The following TMC1 variants were observed in gnomAD, a reference collection of about 807,000 sequenced individuals.
TMC1 encodes the protein transmembrane channel-like protein 1.
TMC1 carries 84 observed loss-of-function variants against 105.8 expected under a neutral mutation model. The observed-to-expected ratio is 0.79, with a 90% CI of 0.67 to 0.95. TMC1 has a LOEUF of 0.95. TMC1 is among the 40% of genes least tolerant of loss of function. TMC1 has a pLI of 0.00. For synonymous variants in TMC1, 315 were observed against 311.5 expected, an observed-to-expected ratio of 1.01 and a Z score of -0.12; for missense variants, 817 against 914.1, an observed-to-expected ratio of 0.89 and a Z score of 1.37.
At chr9:72,672,217 G>C (rs1345040793) in intron 5 of TMC1, among the ~76,000 whole-genome samples, 1 of 151,980 alleles carries the variant, frequency 6.6e-6, no homozygotes, top group African/African-American at 2.4e-5. Context: ...GTTATGATGA[G>C]CCACTGATAA....
chr9:72,689,619 CTGA>C, intron 6 of TMC1, among the ~76,000 whole-genome samples: 1 of 152,122 alleles, frequency 6.6e-6, no homozygotes, highest in African/African-American at 2.4e-5. Context: ...TTTAGGTGCT[CTGA>C]TGTTGGATGC....
At chr9:72,582,070 G>T (rs1824484785) in intron 2 of TMC1, among the ~76,000 whole-genome samples, 1 of 152,112 alleles carries the variant, frequency 6.6e-6, no homozygotes, top group African/African-American at 2.4e-5. Flanking sequence ...CGATTCTTCT[G>T]CTTCAGCCTC....
At chr9:72,527,165 A>C (rs1437502196) in intron 1 of TMC1, among the ~76,000 whole-genome samples, 1 of 152,188 alleles carries the variant, frequency 6.6e-6, no homozygotes, top group Non-Finnish European at 1.5e-5. Context: ...CAAAGCTCCC[A>C]GTTGCTCAGG....
chr9:72,753,057 T>G (rs1827607967), intron 11 of TMC1, among the ~76,000 whole-genome samples: 1 of 152,142 alleles, frequency 6.6e-6, no homozygotes, highest in Non-Finnish European at 1.5e-5. Flanking sequence ...ATTTTTTTAT[T>G]AAGCTGATCT....
At chr9:72,689,838 C>T (rs1199383882) in intron 6 of TMC1, among the ~76,000 whole-genome samples, 1 of 152,086 alleles carries the variant, frequency 6.6e-6, no homozygotes, top group East Asian at 1.9e-4. Flanking sequence ...GTCCTTAAAT[C>T]TAAAGTGAAT....
rs1400788008 is a variant in TMC1, at chr9:72,789,322, GTC to G, written c.1224+9_1224+10del. 10 of 1,613,044 alleles carry G rather than the reference GTC, an allele frequency of 6.2e-6. No individual in the cohort carries two copies. The highest frequency in any genetic ancestry group is 8.5e-6 in the Non-Finnish European group (10 of 1,179,186). The stretch of plus-strand genomic sequence containing the variant: ...GGGTGGTGGGAAAAAAATGAAGTTC[GTC>G]TCTGCATGCTTTTTATGTGCTTAGA... On this transcript the variant is annotated splice_donor_region_variant and intron_variant, in intron 15 of 23. Coordinates refer to ENST00000297784, the MANE Select transcript of TMC1 (RefSeq NM_138691.3).
At chr9:72,592,689 A>G (rs1025002467) in intron 2 of TMC1, among the ~76,000 whole-genome samples, 1 of 152,186 alleles carries the variant, frequency 6.6e-6, no homozygotes, top group Non-Finnish European at 1.5e-5. Flanking sequence ...GCTAGATTCT[A>G]AGTTGCCTGC....
intron 1 of TMC1, among the ~76,000 whole-genome samples, chr9:72,532,480 G>T (rs895389661): frequency 2.2e-5 from 3 of 136,824 alleles, no homozygotes; most frequent in Non-Finnish European, 4.6e-5. Context: ...GGCAGAGGTT[G>T]CAGTGAGCCG....
intron 1 of TMC1, among the ~76,000 whole-genome samples, chr9:72,553,648 G>T (rs1438121980): frequency 6.6e-6 from 1 of 152,052 alleles, no homozygotes; most frequent in African/African-American, 2.4e-5. Context: ...CATTTTAAAG[G>T]CTTATTTTAA....
At chr9:72,650,748 G>T (rs1825791068) in intron 5 of TMC1, among the ~76,000 whole-genome samples, 1 of 150,970 alleles carries the variant, frequency 6.6e-6, no homozygotes, top group Non-Finnish European at 1.5e-5. Context: ...ATGAGAACGT[G>T]GTATTTGGTT....
At chr9:72,579,607 T>C (rs1824442407) in intron 2 of TMC1, among the ~76,000 whole-genome samples, 1 of 152,206 alleles carries the variant, frequency 6.6e-6, no homozygotes, top group Admixed American at 6.5e-5. Flanking sequence ...ATTTCTGTAC[T>C]CAGAAGGGAT....
chr9:72,535,083 C>A (rs956967581), intron 1 of TMC1, among the ~76,000 whole-genome samples: 2 of 151,666 alleles, frequency 1.3e-5, no homozygotes, highest in Non-Finnish European at 2.9e-5. Context: ...GGGTGTGTTA[C>A]AGTTATATGA....
chr9:72,601,195 GAC>G lies in TMC1; in HGVS notation c.-305-15149_-305-15148del, dbSNP rs71357599. 3.8e-3 allele frequency among the ~76,000 whole-genome samples: 358 copies of G among 93,484 alleles called. 2 individuals carry two copies. The highest frequency in any genetic ancestry group is 0.01 in the African/African-American group (250 of 23,950). The allele number at this position is 93,484 out of a possible 152,430, so 61.3% of individuals were successfully genotyped here. ...ACACACACACACACACACACACACA[GAC>G]ACACACACACACACACACACACAAA... On this transcript the variant is annotated intron_variant, in intron 2 of 23. Coordinates refer to ENST00000297784, the MANE Select transcript of TMC1 (RefSeq NM_138691.3).
intron 8 of TMC1, among the ~76,000 whole-genome samples, chr9:72,716,803 T>G (rs1330643679): frequency 1.3e-5 from 2 of 152,102 alleles, no homozygotes; most frequent in African/African-American, 4.8e-5. Flanking sequence ...CAGGCACCAC[T>G]GGGGTATGAA....
intron 1 of TMC1, among the ~76,000 whole-genome samples, chr9:72,555,347 A>T (rs1425694974): frequency 6.6e-6 from 1 of 150,660 alleles, no homozygotes; most frequent in African/African-American, 2.4e-5. Context: ...CACCGTGCCT[A>T]GCTAATAATT....
At chr9:72,585,076 T>C (rs1824533459) in intron 2 of TMC1, among the ~76,000 whole-genome samples, 1 of 149,538 alleles carries the variant, frequency 6.7e-6, no homozygotes, top group Non-Finnish European at 1.5e-5. Flanking sequence ...TAAGCCACCA[T>C]GCCTGGCCAT....
At chr9:72,565,779 A>C (rs1450308396) in intron 1 of TMC1, among the ~76,000 whole-genome samples, 1 of 152,236 alleles carries the variant, frequency 6.6e-6, no homozygotes, top group Non-Finnish European at 1.5e-5. Flanking sequence ...GCGTGTGTGC[A>C]GGGGAATTGC....
intron 2 of TMC1, among the ~76,000 whole-genome samples, chr9:72,579,312 C>T (rs1288459185): frequency 6.6e-6 from 1 of 152,192 alleles, no homozygotes; most frequent in Non-Finnish European, 1.5e-5. Context: ...CCTGGCTTCA[C>T]CTGTTTGGTC....
chr9:72,594,244 G>A (rs1177897001), intron 2 of TMC1, among the ~76,000 whole-genome samples: 1 of 152,160 alleles, frequency 6.6e-6, no homozygotes, highest in African/African-American at 2.4e-5. Flanking sequence ...CTTTTAGACA[G>A]AGAAACCATA....
Sources: allele counts gnomAD v4.1 joint callset (sites outside exome capture counted in the v4.1 genomes callset), GRCh38; gene constraint gnomAD v4.1.1; transcripts MANE v1.5; gene names NCBI Gene and HGNC (gene_info 2026-07-23, HGNC 2026-07-21).